Variants in IRAG1 observed in about 807,000 individuals in gnomAD.
The protein encoded by IRAG1 is inositol 1,4,5-triphosphate receptor associated 1, also known as IP3R-associated cGMP kinase substrate.
Under a neutral mutation model 106.2 loss-of-function variants are expected in IRAG1, and 62 were observed. The observed-to-expected ratio is 0.58, with a 90% CI of 0.48 to 0.72. The LOEUF is 0.72. Among genes scored for constraint, IRAG1 ranks in the 30% least tolerant of loss-of-function variants. The pLI is 0.00. For synonymous variants in IRAG1, 462 were observed against 443.9 expected (o/e 1.04, Z -0.51); for missense variants, 1,064 against 1,140.7 (o/e 0.93, Z 0.97).
intron 18 of IRAG1, among the ~76,000 whole-genome samples, chr11:10,583,375 G>A (rs1851587797): frequency 1.3e-5 from 2 of 152,190 alleles, no homozygotes; most frequent in Admixed American, 1.3e-4. Context: ...GGAAACCTAG[G>A]AGCAGGTGGA....
At chr11:10,691,598 C>G (rs1369218312) in intron 1 of IRAG1, among the ~76,000 whole-genome samples, 1 of 152,168 alleles carries the variant, frequency 6.6e-6, no homozygotes, top group Non-Finnish European at 1.5e-5. Flanking sequence ...TTTAAATTCC[C>G]TGCTTTGTCA....
At chr11:10,609,920 C>T (rs1854801892) in intron 10 of IRAG1, 69 bp from the exon 11 acceptor site, 1 of 1,511,722 alleles carries the variant, frequency 6.6e-7, no homozygotes, top group South Asian at 1.2e-5. Flanking sequence ...CAGCTAGCTT[C>T]AGGAGCTTTG....
At chr11:10,585,150 T>G (rs1289771157) in intron 18 of IRAG1, among the ~76,000 whole-genome samples, 1 of 152,180 alleles carries the variant, frequency 6.6e-6, no homozygotes, top group African/African-American at 2.4e-5. Context: ...TTATGCACCT[T>G]AGAATTTTGC....
At chr11:10,621,774 A>C (rs1402634661) in intron 10 of IRAG1, among the ~76,000 whole-genome samples, 2 of 152,180 alleles carry the variant, frequency 1.3e-5, no homozygotes, top group Admixed American at 1.3e-4. Flanking sequence ...GAAGTTTATT[A>C]ATTAAGATTG....
At chr11:10,664,626 G>A (rs868388223) in intron 1 of IRAG1, among the ~76,000 whole-genome samples, 2 of 152,212 alleles carry the variant, frequency 1.3e-5, no homozygotes, top group Non-Finnish European at 2.9e-5. Flanking sequence ...TCACACAGTA[G>A]GAAGTTAGGG....
At chr11:10,596,292 A>G (rs1279118812) in intron 15 of IRAG1, among the ~76,000 whole-genome samples, 1 of 152,178 alleles carries the variant, frequency 6.6e-6, no homozygotes, top group Admixed American at 6.5e-5. Flanking sequence ...TCAATCTTGC[A>G]TGGTATCTTA....
chr11:10,665,250 G>A lies in IRAG1; in HGVS notation c.68-13068C>T, dbSNP rs1859700398. ...CACCATGCCCTTTTCCTCAGAACCTGTTCCTCTTTCTGCATTCCCTGCTAC... is the reference window on the plus strand; with the variant it reads ...CACCATGCCCTTTTCCTCAGAACCTATTCCTCTTTCTGCATTCCCTGCTAC... On this transcript the variant is annotated intron_variant, in intron 1 of 20. Transcript: ENST00000423302. This position sits in a 1 kb window ranked among gnomAD's most constrained non-coding sequence, Gnocchi z 4.2. 6.6e-6 allele frequency among the ~76,000 whole-genome samples: 1 copy of A among 152,118 alleles called. No individual in the cohort carries two copies. The highest frequency in any genetic ancestry group is 1.5e-5 in the Non-Finnish European group (1 of 68,024).
intron 2 of IRAG1, among the ~76,000 whole-genome samples, chr11:10,649,432 T>G (rs894893306): frequency 2.6e-5 from 4 of 152,160 alleles, no homozygotes; most frequent in African/African-American, 9.7e-5. Context: ...CTAACCCTTG[T>G]ACTGGGTAAC....
At chr11:10,684,374 G>A (rs983413888) in intron 1 of IRAG1, among the ~76,000 whole-genome samples, 3 of 151,870 alleles carry the variant, frequency 2.0e-5, no homozygotes, top group Admixed American at 1.3e-4. Flanking sequence ...ACCAAACACT[G>A]CATCTTCTCA....
chr11:10,651,946 C>T, intron 2 of IRAG1, 79 bp downstream of exon 2: 2 of 1,456,838 alleles, frequency 1.4e-6, no homozygotes, highest in Non-Finnish European at 1.8e-6. Flanking sequence ...TCTGGCCAGC[C>T]TAAAAGCTGT....
At chr11:10,680,245 T>C (rs370798908) in intron 1 of IRAG1, among the ~76,000 whole-genome samples, 15 of 137,156 alleles carry the variant, frequency 1.1e-4, no homozygotes, top group African/African-American at 2.0e-4. Flanking sequence ...TACACTCCAG[T>C]CTGGGCAACA....
chr11:10,671,966 G>A (rs948211160), intron 1 of IRAG1, among the ~76,000 whole-genome samples: 2 of 151,956 alleles, frequency 1.3e-5, no homozygotes, highest in Admixed American at 6.6e-5. Context: ...TAAAACTATC[G>A]TAATATAGTA....
chr11:10,595,098 T>A (rs1368460805), intron 15 of IRAG1, among the ~76,000 whole-genome samples: 1 of 152,080 alleles, frequency 6.6e-6, no homozygotes, highest in East Asian at 1.9e-4. Flanking sequence ...TTAATTTTTT[T>A]ATTTTTAGTA....
Position 10,625,997 on chromosome 11 carries a change from A to G in IRAG1, c.1337T>C (p.Val446Ala). 1.3e-6 allele frequency: 2 copies of G among 1,495,242 alleles called. No individual in the cohort carries two copies. Among genetic ancestry groups the G allele is most frequent in the Non-Finnish European group, 1.8e-6 (2 of 1,122,208 alleles). 92.6% of individuals were successfully genotyped at this position (1,495,242 alleles called of 1,614,324 possible). The change falls in exon 9 of 21, where the codon GTG becomes GCG. Residue 446 changes from valine (V) to alanine (A), a missense_variant. Transcript: ENST00000423302. ...GAGCTTGGTCAGTTTCTGCATCCGC[A>G]CGGGCTGCACTTGTATCTGAAAGTC... Reference protein sequence around the residue: ...LKDFQIQVQPVRMQKLTKLRE... With the variant: ...LKDFQIQVQPARMQKLTKLRE...
chr11:10,639,869 G>A (rs944346646), intron 2 of IRAG1, among the ~76,000 whole-genome samples: 3 of 152,158 alleles, frequency 2.0e-5, no homozygotes, highest in African/African-American at 4.8e-5. Context: ...TCTGTTTGGC[G>A]TCCAAGAAAG....
intron 1 of IRAG1, among the ~76,000 whole-genome samples, chr11:10,664,897 G>C (rs1376376291): frequency 6.6e-6 from 1 of 152,186 alleles, no homozygotes; most frequent in Non-Finnish European, 1.5e-5. Context: ...AAAGAAACTA[G>C]GTCCTGAGGC....
At chr11:10,625,668 G>C (rs1267403804) in intron 9 of IRAG1, among the ~76,000 whole-genome samples, 1 of 152,048 alleles carries the variant, frequency 6.6e-6, no homozygotes, top group African/African-American at 2.4e-5. Context: ...CAGGACTGAG[G>C]GGCCCACATG....
intron 20 of IRAG1, 76 bp from the exon 21 acceptor site, chr11:10,576,651 T>TGC: frequency 6.4e-7 from 1 of 1,562,658 alleles, no homozygotes; most frequent in Non-Finnish European, 8.7e-7. Context: ...CAGTTCTCTC[T>TGC]GCGGATAGCT....
chr11:10,620,344 T>C (rs1855742294), intron 10 of IRAG1, among the ~76,000 whole-genome samples: 1 of 139,410 alleles, frequency 7.2e-6, no homozygotes, highest in South Asian at 2.4e-4. Flanking sequence ...AAAAAAAAGA[T>C]TGAATGAAAA....
Sources: allele counts gnomAD v4.1 joint callset (sites outside exome capture counted in the v4.1 genomes callset), GRCh38; gene constraint gnomAD v4.1.1; non-coding constraint Gnocchi (gnomAD v3.1); transcripts MANE v1.5; gene names NCBI Gene and HGNC (gene_info 2026-07-23, HGNC 2026-07-21).